The following XKR6 variants were observed in gnomAD, a reference collection of about 807,000 sequenced individuals.
XKR6 encodes XK-related protein 6.
A neutral mutation model predicts 56.7 loss-of-function variants in XKR6; 22 were observed. The ratio of observed to expected loss-of-function variants is 0.39; its 90% CI spans 0.28 to 0.55. The LOEUF (loss-of-function observed/expected upper bound fraction) is 0.55. Among genes scored for constraint, XKR6 ranks in the 20% least tolerant of loss-of-function variants. XKR6 has a pLI of 0.66. For missense variants in XKR6, 852 were observed against 889.0 expected, an observed-to-expected ratio of 0.96 and a Z score of 0.53; for synonymous variants, 524 against 387.8, an observed-to-expected ratio of 1.35 and a Z score of -4.13.
chr8:10,990,352 C>G (rs922693645), intron 1 of XKR6, among the ~76,000 whole-genome samples: 2 of 152,206 alleles, frequency 1.3e-5, no homozygotes, highest in African/African-American at 4.8e-5. Context: ...AAAGCCTGCT[C>G]TGGTCCCAAA....
chr8:11,148,369 T>C (rs1348056526), intron 1 of XKR6, among the ~76,000 whole-genome samples: 2 of 152,120 alleles, frequency 1.3e-5, no homozygotes, highest in Non-Finnish European at 2.9e-5. Flanking sequence ...ACAAGGCAGG[T>C]GGAGGGCAGC....
At chr8:11,133,733 A>T (rs1800235344) in intron 1 of XKR6, among the ~76,000 whole-genome samples, 1 of 152,128 alleles carries the variant, frequency 6.6e-6, no homozygotes, top group African/African-American at 2.4e-5. Flanking sequence ...TGTCCTCAAT[A>T]GCCTGATTCC....
intron 1 of XKR6, among the ~76,000 whole-genome samples, chr8:11,015,589 A>G (rs1182638138): frequency 6.6e-6 from 1 of 152,154 alleles, no homozygotes; most frequent in East Asian, 1.9e-4. Context: ...GAGTGTCTGA[A>G]GCCAGGGGGC....
chr8:11,153,816 A>G (rs111399414), intron 1 of XKR6, among the ~76,000 whole-genome samples: 1 of 152,102 alleles, frequency 6.6e-6, no homozygotes, highest in African/African-American at 2.4e-5. Context: ...TTTGCATCCA[A>G]CCCATCAACA....
chr8:11,159,449 C>T (rs1482595491), intron 1 of XKR6, among the ~76,000 whole-genome samples: 1 of 152,242 alleles, frequency 6.6e-6, no homozygotes, highest in Non-Finnish European at 1.5e-5. Context: ...CTGCTGTCCT[C>T]ACAGCTGCCC....
At chr8:10,912,248 G>A (rs1312334429) in intron 2 of XKR6, among the ~76,000 whole-genome samples, 2 of 141,976 alleles carry the variant, frequency 1.4e-5, no homozygotes, top group African/African-American at 2.6e-5. Context: ...GAGAGAGGGT[G>A]TGTGTGTATA....
chr8:11,007,468 G>T (rs535663054), intron 1 of XKR6, among the ~76,000 whole-genome samples: 1 of 152,268 alleles, frequency 6.6e-6, no homozygotes, highest in African/African-American at 2.4e-5. Context: ...TACAGCAACA[G>T]ACCTCCACTG....
intron 1 of XKR6, among the ~76,000 whole-genome samples, chr8:11,186,151 T>G (rs1434862053): frequency 6.6e-6 from 1 of 152,134 alleles, no homozygotes; most frequent in African/African-American, 2.4e-5. Context: ...AGCATTTTTT[T>G]TTATACATAC....
chr8:11,091,066 G>A (rs894100706), intron 1 of XKR6, among the ~76,000 whole-genome samples: 3 of 152,138 alleles, frequency 2.0e-5, no homozygotes, highest in Non-Finnish European at 4.4e-5. Flanking sequence ...AGGTAGGAAA[G>A]CATGTCTGTA....
intron 1 of XKR6, among the ~76,000 whole-genome samples, chr8:10,955,731 C>G (rs1381264768): frequency 6.6e-6 from 1 of 152,198 alleles, no homozygotes; most frequent in Non-Finnish European, 1.5e-5. Flanking sequence ...TGGGAATGAG[C>G]TAGCCTGAGT....
At chr8:10,939,686 TG>T (rs1289250439) in intron 1 of XKR6, among the ~76,000 whole-genome samples, 1 of 152,240 alleles carries the variant, frequency 6.6e-6, no homozygotes, top group African/African-American at 2.4e-5. Context: ...CCTAAGTCGC[TG>T]GGTTCTTGAA....
At chr8:11,008,190 G>A (rs1798415985) in intron 1 of XKR6, among the ~76,000 whole-genome samples, 1 of 152,132 alleles carries the variant, frequency 6.6e-6, no homozygotes, top group African/African-American at 2.4e-5. Flanking sequence ...TCTACAGAAT[G>A]AAGCCCAATC....
chr8:10,978,462 G>C (rs1430581506), intron 1 of XKR6, among the ~76,000 whole-genome samples: 1 of 152,200 alleles, frequency 6.6e-6, no homozygotes, highest in Non-Finnish European at 1.5e-5. Context: ...GTGATGATGT[G>C]ATGGGGGAGG....
intron 1 of XKR6, among the ~76,000 whole-genome samples, chr8:10,940,591 G>T (rs1801359214): frequency 6.6e-6 from 1 of 152,176 alleles, no homozygotes; most frequent in Non-Finnish European, 1.5e-5. Context: ...GCAGACGGCT[G>T]GTCCGGGAGC....
chr8:11,141,881 G>C (rs1800717981), intron 1 of XKR6, among the ~76,000 whole-genome samples: 1 of 152,114 alleles, frequency 6.6e-6, no homozygotes, highest in Admixed American at 6.5e-5. Flanking sequence ...GGAGTGACTG[G>C]GGAGGGGTCT....
In XKR6 at chr8:11,191,594, C is replaced by T. The variant is rs1803578413; in HGVS notation, c.764+8982G>A. 4.0e-5 allele frequency among the ~76,000 whole-genome samples: 6 copies of T among 150,540 alleles called. No homozygotes were observed. In the South Asian group the frequency reaches 1.3e-3, roughly 32 times the overall value. On this transcript the variant is annotated intron_variant, in intron 1 of 2. Coordinates refer to ENST00000416569, the MANE Select transcript of XKR6 (RefSeq NM_173683.4). ...GCCCCTAGATGCAACTTCAAGTTTA[C>T]TAGAAATACAGAGTGCAAACGACAC... is the stretch of plus-strand genomic sequence containing the variant.
intron 2 of XKR6, among the ~76,000 whole-genome samples, chr8:10,901,209 C>T (rs774328961): frequency 1.4e-4 from 21 of 152,042 alleles, no homozygotes; most frequent in Non-Finnish European, 2.6e-4. Flanking sequence ...GTGCACACCA[C>T]CATGCCTGGG....
chr8:10,911,861 T>C (rs912741493), intron 2 of XKR6, among the ~76,000 whole-genome samples: 10 of 150,474 alleles, frequency 6.6e-5, no homozygotes, highest in Non-Finnish European at 1.0e-4. Flanking sequence ...TGTGTATACG[T>C]GTTTGTATAT....
At chr8:11,159,130 G>C (rs1052827459) in intron 1 of XKR6, among the ~76,000 whole-genome samples, 2 of 152,172 alleles carry the variant, frequency 1.3e-5, no homozygotes, top group Non-Finnish European at 1.5e-5. Flanking sequence ...CATGAATTTA[G>C]TTGGCCGTTT....
Sources: gnomAD v4.1 joint callset for allele counts (sites outside exome capture counted in the v4.1 genomes callset) on GRCh38, gnomAD v4.1.1 for gene constraint, MANE v1.5 for transcripts, NCBI Gene and HGNC (gene_info 2026-07-23, HGNC 2026-07-21) for gene names.